OXCT1: variants seen among roughly 807,000 people sequenced by gnomAD.
OXCT1 encodes succinyl-CoA:3-ketoacid coenzyme A transferase 1, mitochondrial.
Under a neutral mutation model 69.6 loss-of-function variants are expected in OXCT1, and 27 were observed. The observed-to-expected ratio is 0.39, with a 90% CI of 0.29 to 0.54. The LOEUF (loss-of-function observed/expected upper bound fraction) is 0.54, where lower values mean the gene tolerates loss of function less well. Among genes scored for constraint, OXCT1 ranks in the 20% least tolerant of loss-of-function variants. OXCT1 has a pLI of 0.72. For missense variants in OXCT1, 437 were observed against 650.2 expected (o/e 0.67, Z 3.57); for synonymous variants, 202 against 217.8 (o/e 0.93, Z 0.64).
intron 16 of OXCT1, among the ~76,000 whole-genome samples, chr5:41,738,673 G>C (rs1329598610): frequency 1.3e-5 from 2 of 152,096 alleles, no homozygotes; most frequent in African/African-American, 4.8e-5. Flanking sequence ...TTTACTTTTG[G>C]TTAACTTCAA....
In OXCT1 at chr5:41,752,579, C is replaced by T. The variant is rs181567782; in HGVS notation, c.1339-2972G>A. On this transcript the variant is annotated intron_variant, in intron 14 of 16. Coordinates refer to ENST00000196371, the MANE Select transcript of OXCT1 (RefSeq NM_000436.4). Reference sequence around the variant, plus strand: ...AACACCCCAGGCAACATAGCAAGACCCTATTTCTACAAAAATTTTAAAAGT... The same window carrying T: ...AACACCCCAGGCAACATAGCAAGACTCTATTTCTACAAAAATTTTAAAAGT... 1.0e-3 allele frequency among the ~76,000 whole-genome samples: 156 copies of T among 152,034 alleles called. 1 individual carries two copies. Among genetic ancestry groups the T allele is most frequent in the Admixed American group, 1.7e-3 (26 of 15,262 alleles).
At chr5:41,815,524 T>C (rs997772949) in intron 7 of OXCT1, among the ~76,000 whole-genome samples, 4 of 152,128 alleles carry the variant, frequency 2.6e-5, no homozygotes, top group Non-Finnish European at 5.9e-5. Context: ...TCTCTTTATG[T>C]GTGACTTAAT....
intron 13 of OXCT1, among the ~76,000 whole-genome samples, chr5:41,764,144 A>G (rs914932630): frequency 6.6e-6 from 1 of 152,136 alleles, no homozygotes; most frequent in African/African-American, 2.4e-5. Context: ...CCTTTAAAGC[A>G]CTATTTTGAT....
In OXCT1 at chr5:41,810,804, G is replaced by A. The variant is rs78524322; in HGVS notation, c.733-3366C>T. On this transcript the variant is annotated intron_variant, in intron 7 of 16. Transcript: ENST00000196371. ...CGTCCTCATTTTTTATTTTATTTTA[G>A]TGACAACCTCAATCTGTTATAGACA... 5.8e-3 allele frequency among the ~76,000 whole-genome samples: 884 copies of A among 152,020 alleles called. 9 individuals are homozygous for A. The highest frequency in any genetic ancestry group is 0.02 in the African/African-American group (842 of 41,470).
chr5:41,752,367 C>T (rs981505216), intron 14 of OXCT1, among the ~76,000 whole-genome samples: 135 of 152,128 alleles, frequency 8.9e-4, no homozygotes, highest in African/African-American at 3.2e-3. Flanking sequence ...CAGGGTTACG[C>T]GGATCTCATT....
chr5:41,763,125 G>A (rs114052303), intron 13 of OXCT1, among the ~76,000 whole-genome samples: 1 of 152,228 alleles, frequency 6.6e-6, no homozygotes, highest in East Asian at 1.9e-4. Flanking sequence ...GCTATAAGGA[G>A]ATCAAGAAAT....
chr5:41,796,204 T>G (rs1056107141), intron 11 of OXCT1, among the ~76,000 whole-genome samples: 4 of 152,138 alleles, frequency 2.6e-5, no homozygotes, highest in African/African-American at 9.7e-5. Context: ...CCCATAGAAC[T>G]AATAAAATCA....
chr5:41,841,606 C>T (rs1484188354), intron 6 of OXCT1, among the ~76,000 whole-genome samples: 1 of 152,186 alleles, frequency 6.6e-6, no homozygotes, highest in Non-Finnish European at 1.5e-5. Context: ...CTTGTGCAGC[C>T]TTCAAATACC....
chr5:41,828,965 G>A (rs1208389063), intron 7 of OXCT1, among the ~76,000 whole-genome samples: 1 of 151,946 alleles, frequency 6.6e-6, no homozygotes, highest in Non-Finnish European at 1.5e-5. Context: ...ACAGGCCGTG[G>A]GCTGTATTTT....
chr5:41,735,984 T>A (rs1447768005), intron 16 of OXCT1, among the ~76,000 whole-genome samples: 2 of 152,216 alleles, frequency 1.3e-5, no homozygotes, highest in African/African-American at 4.8e-5. Flanking sequence ...AAAGCCTCTG[T>A]ATCTGTGGGG....
intron 10 of OXCT1, among the ~76,000 whole-genome samples, chr5:41,802,530 C>T (rs963397840): frequency 6.6e-6 from 1 of 152,032 alleles, no homozygotes; most frequent in Non-Finnish European, 1.5e-5. Flanking sequence ...GAGATGAGAA[C>T]TTCTACAGCT....
intron 14 of OXCT1, 80 bp from the exon 15 acceptor site, chr5:41,749,687 GA>G: frequency 1.2e-6 from 1 of 842,112 alleles, no homozygotes; most frequent in South Asian, 1.4e-5. Context: ...AGGATAAACA[GA>G]AACTATCAGA....
chr5:41,820,703 G>T (rs1747505096), intron 7 of OXCT1, among the ~76,000 whole-genome samples: 1 of 152,112 alleles, frequency 6.6e-6, no homozygotes, highest in Non-Finnish European at 1.5e-5. Flanking sequence ...AAGTCTCTTT[G>T]TTCCATGCAG....
intron 13 of OXCT1, among the ~76,000 whole-genome samples, chr5:41,774,604 A>G (rs1450917081): frequency 2.0e-5 from 3 of 152,206 alleles, no homozygotes; most frequent in African/African-American, 7.2e-5. Context: ...GAGCATAAAA[A>G]TAAACACAGG....
chr5:41,746,152 A>G (rs1162537016), intron 15 of OXCT1, among the ~76,000 whole-genome samples: 1 of 152,218 alleles, frequency 6.6e-6, no homozygotes, highest in Non-Finnish European at 1.5e-5. Context: ...AAAATCCTCA[A>G]TAAAATACTG....
At chr5:41,748,042 G>T (rs1301376479) in intron 15 of OXCT1, among the ~76,000 whole-genome samples, 7 of 152,022 alleles carry the variant, frequency 4.6e-5, no homozygotes, top group Admixed American at 4.6e-4. Flanking sequence ...ACACTGTTGG[G>T]AACACTCTGG....
intron 13 of OXCT1, among the ~76,000 whole-genome samples, chr5:41,792,729 C>A (rs1745983617): frequency 6.6e-6 from 1 of 152,124 alleles, no homozygotes; most frequent in Non-Finnish European, 1.5e-5. Flanking sequence ...ACAATATAAT[C>A]CACAATTTGC....
intron 7 of OXCT1, among the ~76,000 whole-genome samples, chr5:41,819,662 CTTTT>C (rs750306605): frequency 7.2e-6 from 1 of 139,132 alleles, no homozygotes; most frequent in Non-Finnish European, 1.6e-5. Flanking sequence ...GAGCCACCTT[CTTTT>C]TTTTTTTTTT....
intron 7 of OXCT1, among the ~76,000 whole-genome samples, chr5:41,818,789 A>T (rs1004469465): frequency 1.3e-5 from 2 of 152,164 alleles, no homozygotes; most frequent in South Asian, 4.1e-4. Flanking sequence ...AAAAATTAAC[A>T]AAAGGGGTCA....
Sources: gnomAD v4.1 joint callset for allele counts (sites outside exome capture counted in the v4.1 genomes callset) on GRCh38, gnomAD v4.1.1 for gene constraint, MANE v1.5 for transcripts, NCBI Gene and HGNC (gene_info 2026-07-23, HGNC 2026-07-21) for gene names.